Variants in ARHGEF4 observed in about 807,000 individuals in gnomAD.
The protein encoded by ARHGEF4 is Rho guanine nucleotide exchange factor 4, also known as APC-stimulated guanine nucleotide exchange factor 1.
ARHGEF4 carries 119 observed loss-of-function variants against 162.0 expected under a neutral mutation model. That is an observed-to-expected ratio of 0.73 (90% CI 0.63 to 0.86). The LOEUF is 0.86. ARHGEF4 is among the 40% of genes least tolerant of loss of function. The pLI is 0.00. For missense variants in ARHGEF4, 2,488 were observed against 2,456.0 expected (o/e 1.01, Z -0.28); for synonymous variants, 1,014 against 979.9 (o/e 1.03, Z -0.65).
chr2:130,891,961 G>A (rs1679886080), intron 1 of ARHGEF4, among the ~76,000 whole-genome samples: 1 of 152,064 alleles, frequency 6.6e-6, no homozygotes, highest in African/African-American at 2.4e-5. Context: ...AACTGGATTT[G>A]GCTCATGGAA....
intron 1 of ARHGEF4, among the ~76,000 whole-genome samples, chr2:130,852,860 G>A (rs1430421465): frequency 6.6e-6 from 1 of 152,208 alleles, no homozygotes; most frequent in Non-Finnish European, 1.5e-5. Context: ...CAGAGCCCAG[G>A]AGCAGACAGA....
At position 130,915,501 on chromosome 2, in the gene ARHGEF4, C is replaced by T. The variant is rs1183924245; in HGVS notation, c.1555C>T (p.Pro519Ser). The T allele has an allele frequency of 1.9e-6, 3 of 1,550,580 alleles. No homozygotes were observed. Among genetic ancestry groups the T allele is most frequent in the Non-Finnish European group, 1.7e-6 (2 of 1,147,006 alleles). Residue 519 changes from proline to serine, a missense_variant, in exon 2 of 14, where the codon CCT (proline) becomes TCT (serine). This residue lies in a region of ARHGEF4 where 1,642 missense variants were observed against 1,481.5 expected (regional missense o/e 1.11). Transcript: ENST00000409359. The stretch of plus-strand genomic sequence containing the variant: ...TGTGCTCAGCGAGGAAAGCAAGTCA[C>T]CTACCAGGGCCAAGTTCCCACGGCA... ...KYVLSEESKS[P>S]TRAKFPRQPS...
intron 4 of ARHGEF4, among the ~76,000 whole-genome samples, chr2:130,993,407 A>G (rs1020479139): frequency 1.4e-5 from 2 of 146,918 alleles, no homozygotes; most frequent in Non-Finnish European, 2.9e-5. Context: ...GACTTTCACA[A>G]TAATTTTAGT....
intron 3 of ARHGEF4, among the ~76,000 whole-genome samples, chr2:130,942,840 A>C (rs943038483): frequency 6.6e-6 from 1 of 152,198 alleles, no homozygotes; most frequent in Admixed American, 6.5e-5. Context: ...TTAAAATTTC[A>C]TTATTATGAT....
intron 4 of ARHGEF4, among the ~76,000 whole-genome samples, chr2:130,996,254 G>GC (rs1687383629): frequency 6.6e-6 from 1 of 152,206 alleles, no homozygotes; most frequent in African/African-American, 2.4e-5. Context: ...AGGCAAGGCA[G>GC]CCCTGCACAC....
chr2:130,955,315 T>TATGGGTCAAACTTTCCTGTTCCTTTGC (rs1684201168), intron 4 of ARHGEF4, among the ~76,000 whole-genome samples: 1 of 152,216 alleles, frequency 6.6e-6, no homozygotes, highest in African/African-American at 2.4e-5. Flanking sequence ...TTCCCCATTG[T>TATGGGTCAAACTTTCCTGTTCCTTTGC]ATGGGTCAAA....
chr2:130,975,859 G>A (rs779478808), intron 4 of ARHGEF4, among the ~76,000 whole-genome samples: 2 of 152,170 alleles, frequency 1.3e-5, no homozygotes, highest in Admixed American at 1.3e-4. Context: ...TGCTCTGGGC[G>A]GTCAGAGGCG....
Position 130,930,941 on chromosome 2 carries a change from C to G in ARHGEF4, c.3553-11C>G, listed in dbSNP as rs751797700. On this transcript the variant is annotated splice_polypyrimidine_tract_variant and intron_variant, in intron 2 of 13. Coordinates refer to ENST00000409359, the MANE Select transcript of ARHGEF4 (RefSeq NM_001367493.1). ...ACCTCTGACCCCTGACCCGTTCTCT[C>G]TGCTCTCCAGAACCACATGCCCTGG... The G allele has an allele frequency of 6.3e-7, 1 of 1,595,582 alleles. No individual in the cohort carries two copies. The highest frequency in any genetic ancestry group is 8.6e-7 in the Non-Finnish European group (1 of 1,167,160).
At chr2:130,979,915 A>C (rs75134082) in intron 4 of ARHGEF4, among the ~76,000 whole-genome samples, 2 of 152,120 alleles carry the variant, frequency 1.3e-5, no homozygotes, top group Non-Finnish European at 2.9e-5. Flanking sequence ...AAACTTTCTC[A>C]AACAATAAGA....
In ARHGEF4 at chr2:131,005,407, C is replaced by A. The variant is rs1228588258; in HGVS notation, c.3986-22538C>A. ...GCCCTCCAGCAGCAGGGCCCTCCCA[C>A]AACAGCCACTCCCTGCCGTCCTCAG... On this transcript the variant is annotated intron_variant, in intron 4 of 13. Transcript: ENST00000409359. 3.2e-4 allele frequency among the ~76,000 whole-genome samples: 49 copies of A among 152,192 alleles called. 1 individual carries two copies. The highest frequency in any genetic ancestry group is 4.4e-5 in the Non-Finnish European group (3 of 68,042).
intron 1 of ARHGEF4, among the ~76,000 whole-genome samples, chr2:130,866,066 G>A (rs1473659777): frequency 6.6e-6 from 1 of 152,086 alleles, no homozygotes; most frequent in Non-Finnish European, 1.5e-5. Context: ...GAAAACTTTA[G>A]GGTCGAATAA....
chr2:130,971,267 T>C (rs1452878151), intron 4 of ARHGEF4, among the ~76,000 whole-genome samples: 1 of 152,246 alleles, frequency 6.6e-6, no homozygotes, highest in Non-Finnish European at 1.5e-5. Flanking sequence ...CATGCTGTAG[T>C]TTTAAGTCAG....
At chr2:130,845,704 T>A (rs1192733233) in intron 1 of ARHGEF4, among the ~76,000 whole-genome samples, 1 of 152,294 alleles carries the variant, frequency 6.6e-6, no homozygotes. Context: ...AGTCTGCCTC[T>A]GTGTGAGGAC....
intron 1 of ARHGEF4, among the ~76,000 whole-genome samples, chr2:130,864,200 AG>A (rs1447844451): frequency 0.027 from 4,013 of 147,628 alleles, 71 homozygotes; most frequent in East Asian, 0.08. Context: ...AAAGAAAGAA[AG>A]AAAAAAAAAA....
At chr2:130,933,998 T>G (rs1016048761) in intron 3 of ARHGEF4, among the ~76,000 whole-genome samples, 1 of 152,210 alleles carries the variant, frequency 6.6e-6, no homozygotes, top group Admixed American at 6.5e-5. Flanking sequence ...TGTCGTTGTC[T>G]TCTTGGTTTT....
At chr2:130,991,767 G>A (rs1687001932) in intron 4 of ARHGEF4, among the ~76,000 whole-genome samples, 1 of 152,226 alleles carries the variant, frequency 6.6e-6, no homozygotes, top group South Asian at 2.1e-4. Flanking sequence ...CCTCCCAGAT[G>A]AGCGCCACCC....
chr2:130,979,565 A>G (rs971238968), intron 4 of ARHGEF4, among the ~76,000 whole-genome samples: 1 of 151,970 alleles, frequency 6.6e-6, no homozygotes, highest in South Asian at 2.1e-4. Flanking sequence ...GTGAAACCCC[A>G]TGTCTACTAA....
At chr2:131,032,644 C>G (rs1206570634) in intron 5 of ARHGEF4, among the ~76,000 whole-genome samples, 1 of 151,660 alleles carries the variant, frequency 6.6e-6, no homozygotes, top group Non-Finnish European at 1.5e-5. Flanking sequence ...AGTGGCTTTC[C>G]TCTTCCCTTT....
chr2:130,979,523 G>T (rs1448249376), intron 4 of ARHGEF4, among the ~76,000 whole-genome samples: 1 of 152,056 alleles, frequency 6.6e-6, no homozygotes, highest in Non-Finnish European at 1.5e-5. Context: ...ATCACCTGAG[G>T]TCAGGAATTC....
Sources: allele counts gnomAD v4.1 joint callset (sites outside exome capture counted in the v4.1 genomes callset), GRCh38; gene constraint gnomAD v4.1.1; regional missense constraint gnomAD v4.1.1; transcripts MANE v1.5; gene names NCBI Gene and HGNC (gene_info 2026-07-23, HGNC 2026-07-21).